NR3C2: variants seen among roughly 807,000 people sequenced by gnomAD.
NR3C2 encodes the protein nuclear receptor subfamily 3 group C member 2.
A neutral mutation model predicts 86.4 loss-of-function variants in NR3C2; 15 were observed. That is an observed-to-expected ratio of 0.17 (90% CI 0.12 to 0.27). NR3C2 has a LOEUF of 0.27. NR3C2 is among the 10% of genes least tolerant of loss of function. The pLI is 1.00. For missense variants in NR3C2, 960 were observed against 1,195.6 expected, an observed-to-expected ratio of 0.80 and a Z score of 2.91; for synonymous variants, 458 against 450.5, an observed-to-expected ratio of 1.02 and a Z score of -0.21.
At chr4:148,433,549 G>T (rs1749899121) in intron 2 of NR3C2, among the ~76,000 whole-genome samples, 1 of 152,058 alleles carries the variant, frequency 6.6e-6, no homozygotes, top group Admixed American at 6.6e-5. Flanking sequence ...TAACATACTG[G>T]AAGGAATTCA....
At chr4:148,375,431 G>A (rs900637148) in intron 2 of NR3C2, among the ~76,000 whole-genome samples, 1 of 151,348 alleles carries the variant, frequency 6.6e-6, no homozygotes, top group Non-Finnish European at 1.5e-5. Flanking sequence ...ACTCTGGCCT[G>A]GGCGACAGAG....
intron 2 of NR3C2, among the ~76,000 whole-genome samples, chr4:148,265,241 A>G (rs1740317980): frequency 6.6e-6 from 1 of 152,194 alleles, no homozygotes; most frequent in South Asian, 2.1e-4. Flanking sequence ...ATGACTCAGT[A>G]AAGAGATAGA....
At chr4:148,169,347 G>T (rs1735021369) in intron 4 of NR3C2, among the ~76,000 whole-genome samples, 1 of 151,654 alleles carries the variant, frequency 6.6e-6, no homozygotes, top group Admixed American at 6.6e-5. Context: ...TCTTGTATTT[G>T]CAGGGAGCTC....
chr4:148,286,132 C>T (rs1489552998), intron 2 of NR3C2, among the ~76,000 whole-genome samples: 4 of 152,102 alleles, frequency 2.6e-5, no homozygotes, highest in Non-Finnish European at 4.4e-5. Flanking sequence ...CAGGACAAGC[C>T]TGGGTGTGTG....
At chr4:148,410,095 A>C (rs1748621594) in intron 2 of NR3C2, among the ~76,000 whole-genome samples, 1 of 152,164 alleles carries the variant, frequency 6.6e-6, no homozygotes, top group African/African-American at 2.4e-5. Context: ...TTTAAAAAAC[A>C]ATGTTTATTT....
chr4:148,112,811 A>G (rs1732102630), intron 8 of NR3C2, among the ~76,000 whole-genome samples: 2 of 152,206 alleles, frequency 1.3e-5, no homozygotes, highest in Admixed American at 6.5e-5. Flanking sequence ...CCGCTGGCAT[A>G]ATGGAATTTC....
At chr4:148,101,701 T>C (rs1302231853) in intron 8 of NR3C2, among the ~76,000 whole-genome samples, 1 of 152,240 alleles carries the variant, frequency 6.6e-6, no homozygotes, top group African/African-American at 2.4e-5. Flanking sequence ...ATAGGCTTGT[T>C]AAGCTGATGG....
At chr4:148,369,473 A>G (rs768921376) in intron 2 of NR3C2, among the ~76,000 whole-genome samples, 5 of 152,230 alleles carry the variant, frequency 3.3e-5, no homozygotes, top group Non-Finnish European at 7.3e-5. Context: ...AGAAACATAT[A>G]CTTCACTTTG....
intron 4 of NR3C2, among the ~76,000 whole-genome samples, chr4:148,166,059 A>T (rs1007463621): frequency 2.6e-5 from 4 of 152,236 alleles, no homozygotes; most frequent in South Asian, 2.1e-4. Flanking sequence ...TTCCACTGAC[A>T]TTATCAAAAC....
chr4:148,081,587 T>G lies in NR3C2; in HGVS notation c.2800-88A>C, dbSNP rs112862645. On this transcript the variant is annotated intron_variant, in intron 8 of 8. Transcript: ENST00000358102. ...CTTCTGACTTTGGTGGGAACTCAAA[T>G]GACAACATTTAGAAAGCCTCCCAGG... is the stretch of plus-strand genomic sequence containing the variant. 1.2e-3 allele frequency: 1,947 copies of G among 1,581,698 alleles called. 25 individuals are homozygous for G. In the African/African-American group the frequency reaches 0.02, roughly 16 times the overall value.
In NR3C2 at chr4:148,081,410, G is replaced by T; in HGVS notation, c.2889C>A (p.Ile963=). 1 of 1,614,180 alleles carries T rather than the reference G, an allele frequency of 6.2e-7. No homozygotes were observed. The change falls in exon 9 of 9, where the codon ATC becomes ATA. Residue 963 remains isoleucine (I), a synonymous_variant. Transcript: ENST00000358102. ...KVEFPAMLVE[I]ISDQLPKVES... ...CCACCTTGGGCAGCTGGTCGCTGAT[G>T]ATCTCCACCAGCATTGCGGGGAACT... is the stretch of plus-strand genomic sequence containing the variant.
At chr4:148,119,532 G>A (rs185483975) in intron 7 of NR3C2, among the ~76,000 whole-genome samples, 107 of 152,230 alleles carry the variant, frequency 7.0e-4, no homozygotes, top group Middle Eastern at 3.4e-3. Flanking sequence ...GGTGGCTCAC[G>A]CCTATAATCT....
intron 4 of NR3C2, among the ~76,000 whole-genome samples, chr4:148,192,819 A>C (rs1578995618): frequency 6.6e-6 from 1 of 150,962 alleles, no homozygotes; most frequent in African/African-American, 2.4e-5. Flanking sequence ...GGCTGGTTTC[A>C]CTCCCACTGA....
At chr4:148,104,345 T>TGG (rs1161631611) in intron 8 of NR3C2, among the ~76,000 whole-genome samples, 1 of 138,370 alleles carries the variant, frequency 7.2e-6, no homozygotes, top group Non-Finnish European at 1.5e-5. Context: ...TGGTTTGGTT[T>TGG]TTTTTTTTTT....
At chr4:148,368,515 G>A (rs1277210387) in intron 2 of NR3C2, 1 of 151,972 alleles carries the variant, frequency 6.6e-6, no homozygotes, top group Admixed American at 6.6e-5. Context: ...AAATGACAGT[G>A]GTATATTTTT....
chr4:148,256,668 T>C (rs1336293288), intron 3 of NR3C2, among the ~76,000 whole-genome samples: 1 of 152,176 alleles, frequency 6.6e-6, no homozygotes, highest in African/African-American at 2.4e-5. Flanking sequence ...GAGAACCCTT[T>C]TTTTAAGTTA....
intron 2 of NR3C2, among the ~76,000 whole-genome samples, chr4:148,360,779 T>C (rs889600467): frequency 6.6e-6 from 1 of 152,228 alleles, no homozygotes. Context: ...GGTATTTTAA[T>C]AGATGCTTTC....
chr4:148,284,743 C>T (rs1354211884), intron 2 of NR3C2, among the ~76,000 whole-genome samples: 1 of 152,112 alleles, frequency 6.6e-6, no homozygotes, highest in Non-Finnish European at 1.5e-5. Context: ...CACACTGGCC[C>T]ACAGCACTGT....
At chr4:148,138,963 C>T (rs1408740747) in intron 6 of NR3C2, among the ~76,000 whole-genome samples, 2 of 152,226 alleles carry the variant, frequency 1.3e-5, no homozygotes, top group African/African-American at 4.8e-5. Flanking sequence ...TCTCGCCCTT[C>T]TGCCTTCTAC....
Sources: gnomAD v4.1 joint callset for allele counts (sites outside exome capture counted in the v4.1 genomes callset) on GRCh38, gnomAD v4.1.1 for gene constraint, MANE v1.5 for transcripts, NCBI Gene and HGNC (gene_info 2026-07-23, HGNC 2026-07-21) for gene names.